YEATS2: variants seen among roughly 807,000 people sequenced by gnomAD.
YEATS2 encodes YEATS domain containing 2.
Under a neutral mutation model 163.2 loss-of-function variants are expected in YEATS2, and 77 were observed. The ratio of observed to expected loss-of-function variants is 0.47; its 90% CI spans 0.39 to 0.57. The LOEUF (loss-of-function observed/expected upper bound fraction) is 0.57. Among genes scored for constraint, YEATS2 ranks in the 20% least tolerant of loss-of-function variants. The pLI is 0.00. For synonymous variants in YEATS2, 631 were observed against 645.1 expected, an observed-to-expected ratio of 0.98 and a Z score of 0.33; for missense variants, 1,549 against 1,729.8, an observed-to-expected ratio of 0.90 and a Z score of 1.85.
At chr3:183,804,498 C>T (rs906949046) in intron 27 of YEATS2, among the ~76,000 whole-genome samples, 12 of 152,238 alleles carry the variant, frequency 7.9e-5, no homozygotes, top group African/African-American at 2.4e-4. Context: ...CAGATTGAAG[C>T]GGCTTTCACA....
chr3:183,709,851 G>A (rs942931510), intron 1 of YEATS2, among the ~76,000 whole-genome samples: 5 of 150,976 alleles, frequency 3.3e-5, no homozygotes, highest in Admixed American at 1.3e-4. Flanking sequence ...CTAATTTTTT[G>A]TATTTTTTTT....
chr3:183,750,717 T>C (rs1720074948), intron 9 of YEATS2, among the ~76,000 whole-genome samples: 1 of 152,210 alleles, frequency 6.6e-6, no homozygotes, highest in African/African-American at 2.4e-5. Flanking sequence ...GGTGACCATG[T>C]GTTTATCTTC....
In YEATS2 at chr3:183,790,865, A is replaced by G; in HGVS notation, c.2982A>G (p.Gln994=). The change falls in exon 21 of 31, where the codon CAA becomes CAG. Residue 994 remains glutamine (Q), a synonymous_variant. Coordinates refer to ENST00000305135, the MANE Select transcript of YEATS2 (RefSeq NM_018023.5). The part of the protein sequence containing the change: ...SSVTKTSGQQ[Q]VCVSQATVGT... ...TAACGAAAACTTCTGGGCAGCAGCAAGTGTGTGTGAGCCAGGCCACCGTGG... is the reference window on the plus strand; with the variant it reads ...TAACGAAAACTTCTGGGCAGCAGCAGGTGTGTGTGAGCCAGGCCACCGTGG... 6.2e-7 allele frequency: 1 copy of G among 1,614,156 alleles called. No individual in the cohort carries two copies. Among genetic ancestry groups the G allele is most frequent in the African/African-American group, 1.3e-5 (1 of 75,028 alleles).
chr3:183,721,874 G>A lies in YEATS2; in HGVS notation c.292-17G>A, dbSNP rs1716526429. ...GATTTGATTAAAAATTTATTTGCTT[G>A]CTTTCATTTTTTGTAGGGATCAAAG... On this transcript the variant is annotated splice_polypyrimidine_tract_variant and intron_variant, in intron 4 of 30. Transcript: ENST00000305135. 1 of 1,608,250 alleles carries A rather than the reference G, an allele frequency of 6.2e-7. No individual in the cohort carries two copies. Among genetic ancestry groups the A allele is most frequent in the Non-Finnish European group, 8.5e-7 (1 of 1,177,058 alleles).
chr3:183,763,252 C>T (rs1484091409), intron 15 of YEATS2, among the ~76,000 whole-genome samples: 1 of 152,024 alleles, frequency 6.6e-6, no homozygotes, highest in East Asian at 1.9e-4. Flanking sequence ...TATGGTGTGG[C>T]CTATTGCTCC....
chr3:183,759,620 CTA>C (rs1721137524), intron 13 of YEATS2, among the ~76,000 whole-genome samples: 1 of 152,160 alleles, frequency 6.6e-6, no homozygotes, highest in Non-Finnish European at 1.5e-5. Context: ...CCTATCTTTT[CTA>C]TGTTTGCATC....
At position 183,811,290 on chromosome 3, in the gene YEATS2, T is replaced by C. The variant is rs1726772134; in HGVS notation, c.*707T>C. On this transcript the variant is annotated 3_prime_UTR_variant, in exon 31 of 31. Coordinates refer to ENST00000305135, the MANE Select transcript of YEATS2 (RefSeq NM_018023.5). The stretch of plus-strand genomic sequence containing the variant: ...TGATTATAACCAAGAAAACTCACTA[T>C]GCTAGGAATAGACTGTGTGCACCAG... The C allele has an allele frequency of 6.5e-6, 1 of 152,750 alleles. No individual in the cohort carries two copies. The highest frequency in any genetic ancestry group is 1.5e-5 in the Non-Finnish European group (1 of 68,374). 9.5% of individuals were successfully genotyped at this position (152,750 alleles called of 1,614,324 possible).
chr3:183,698,619 C>T (rs577809262), intron 1 of YEATS2, among the ~76,000 whole-genome samples: 1 of 152,258 alleles, frequency 6.6e-6, no homozygotes, highest in African/African-American at 2.4e-5. Context: ...GAAATAGAAA[C>T]CAGAGGAAGA....
intron 15 of YEATS2, among the ~76,000 whole-genome samples, chr3:183,768,721 T>G (rs748200130): frequency 5.3e-4 from 81 of 152,054 alleles, no homozygotes; most frequent in Admixed American, 6.6e-4. Context: ...GCCTGTAATC[T>G]CAGCACTTTG....
chr3:183,708,447 C>G (rs534322107), intron 1 of YEATS2, among the ~76,000 whole-genome samples: 1 of 152,320 alleles, frequency 6.6e-6, no homozygotes, highest in East Asian at 1.9e-4. Flanking sequence ...TCCATCTTCC[C>G]TGACTCGAGA....
At chr3:183,793,859 C>T (rs528133487) in intron 21 of YEATS2, among the ~76,000 whole-genome samples, 26 of 152,162 alleles carry the variant, frequency 1.7e-4, no homozygotes, top group African/African-American at 4.8e-4. Context: ...GTGATCCGCC[C>T]GCCTCGGACT....
intron 15 of YEATS2, among the ~76,000 whole-genome samples, chr3:183,772,000 T>C (rs1266719423): frequency 6.6e-6 from 1 of 152,158 alleles, no homozygotes; most frequent in East Asian, 1.9e-4. Context: ...GTGCTGGGAT[T>C]ACAGGCATGA....
At chr3:183,699,843 A>G (rs886688480) in intron 1 of YEATS2, among the ~76,000 whole-genome samples, 4 of 152,158 alleles carry the variant, frequency 2.6e-5, no homozygotes, top group African/African-American at 4.8e-5. Flanking sequence ...AAGATTGTCA[A>G]TTGAATTTGG....
intron 5 of YEATS2, among the ~76,000 whole-genome samples, chr3:183,722,388 A>G (rs576717844): frequency 2.1e-5 from 3 of 144,076 alleles, no homozygotes; most frequent in Non-Finnish European, 4.5e-5. Flanking sequence ...TCCCGGGTTC[A>G]CGCCATTCTC....
At chr3:183,707,776 C>G (rs1485806890) in intron 1 of YEATS2, among the ~76,000 whole-genome samples, 1 of 150,180 alleles carries the variant, frequency 6.7e-6, no homozygotes, top group Admixed American at 6.7e-5. Flanking sequence ...CTCTGCCTCC[C>G]GGGTTCAAGC....
intron 15 of YEATS2, among the ~76,000 whole-genome samples, chr3:183,764,453 G>C (rs1280009860): frequency 6.9e-6 from 1 of 145,802 alleles, no homozygotes; most frequent in African/African-American, 2.5e-5. Flanking sequence ...AGAATGAATT[G>C]TTTTAAGAAT....
At chr3:183,725,641 C>T (rs1717008682) in intron 6 of YEATS2, among the ~76,000 whole-genome samples, 1 of 152,200 alleles carries the variant, frequency 6.6e-6, no homozygotes, top group Non-Finnish European at 1.5e-5. Flanking sequence ...ATCACGAGAA[C>T]AGCATGGGAA....
intron 1 of YEATS2, among the ~76,000 whole-genome samples, chr3:183,702,842 AAAAG>A (rs1270107545): frequency 6.6e-6 from 1 of 152,012 alleles, no homozygotes; most frequent in African/African-American, 2.4e-5. Context: ...TCAAAAAAAA[AAAAG>A]GGAATGGTAA....
At chr3:183,759,495 G>C (rs1348921404) in intron 13 of YEATS2, among the ~76,000 whole-genome samples, 2 of 151,834 alleles carry the variant, frequency 1.3e-5, no homozygotes, top group Non-Finnish European at 2.9e-5. Context: ...TCTCTCTCTC[G>C]CAACAGAGAG....
Sources: gnomAD v4.1 joint callset for allele counts (sites outside exome capture counted in the v4.1 genomes callset) on GRCh38, gnomAD v4.1.1 for gene constraint, MANE v1.5 for transcripts, NCBI Gene and HGNC (gene_info 2026-07-23, HGNC 2026-07-21) for gene names.